Variants in CNST observed in about 807,000 individuals in gnomAD.
CNST encodes consortin, connexin sorting protein.
CNST carries 39 observed loss-of-function variants against 72.4 expected under a neutral mutation model. The ratio of observed to expected loss-of-function variants is 0.54; its 90% CI spans 0.42 to 0.70. The LOEUF (loss-of-function observed/expected upper bound fraction) is 0.70. Ranked by LOEUF, CNST falls within the 30% of genes least tolerant of loss-of-function variation. The pLI is 0.00. For synonymous variants in CNST, 332 were observed against 320.1 expected (o/e 1.04, Z -0.40); for missense variants, 871 against 868.5 (o/e 1.00, Z -0.04).
In CNST at chr1:246,633,959, T is replaced by C. The variant is rs781708884; in HGVS notation, c.652T>C (p.Leu218=). 8 of 1,613,130 alleles carry C rather than the reference T, an allele frequency of 5.0e-6. No homozygotes were observed. The highest frequency in any genetic ancestry group is 1.7e-4 in the Middle Eastern group (1 of 6,054). Residue 218 remains leucine, a synonymous_variant, in exon 5 of 11, where the codon TTG becomes CTG. Transcript: ENST00000366513. ...KAMKFIQLER[L]YHEQLLANLS... is the part of the protein sequence containing the mutation. ...AATGAAATTCATTCAGCTAGAACGA[T>C]TGTATCATGAGCAATTGCTCGCAAA... is the stretch of plus-strand genomic sequence containing the variant.
At chr1:246,651,281 G>T (rs1365082881) in intron 9 of CNST, among the ~76,000 whole-genome samples, 1 of 152,132 alleles carries the variant, frequency 6.6e-6, no homozygotes, top group Non-Finnish European at 1.5e-5. Context: ...ACGCTGCTGT[G>T]CTATCGCAGG....
At chr1:246,651,975 C>T (rs889565085) in intron 9 of CNST, among the ~76,000 whole-genome samples, 3 of 152,130 alleles carry the variant, frequency 2.0e-5, no homozygotes, top group South Asian at 2.1e-4. Context: ...TGAAAATACA[C>T]GTAAGGATTT....
chr1:246,578,315 C>G (rs1468278069), intron 1 of CNST, among the ~76,000 whole-genome samples: 1 of 152,050 alleles, frequency 6.6e-6, no homozygotes, highest in African/African-American at 2.4e-5. Flanking sequence ...TTAAAATAAG[C>G]TCTAAAATTA....
Position 246,660,322 on chromosome 1 carries a change from A to G in CNST, c.1960A>G (p.Ser654Gly), listed in dbSNP as rs1667024237. 2 of 1,613,794 alleles carry G rather than the reference A, an allele frequency of 1.2e-6. No homozygotes were observed. The highest frequency in any genetic ancestry group is 8.5e-7 in the Non-Finnish European group (1 of 1,179,902). The change falls in exon 10 of 11, where the codon AGC (serine) becomes GGC (glycine). Residue 654 changes from serine to glycine, a missense_variant. Ser to Gly is a moderately conservative substitution (Grantham distance 56). Coordinates refer to ENST00000366513, the MANE Select transcript of CNST (RefSeq NM_152609.3). ...AGTGAGATTCCAAGAAATAGACGATAGCTTGGATCAAGGTAAACCGCTTGG... is the reference window on the plus strand; with the variant it reads ...AGTGAGATTCCAAGAAATAGACGATGGCTTGGATCAAGGTAAACCGCTTGG... ...RRVRFQEIDD[S>G]LDQDEVGGGS...
At chr1:246,584,827 T>TA (rs1491434829) in intron 1 of CNST, among the ~76,000 whole-genome samples, 1 of 152,210 alleles carries the variant, frequency 6.6e-6, no homozygotes, top group Non-Finnish European at 1.5e-5. Context: ...ATGGATCTCC[T>TA]ATGAGTCTGT....
At chr1:246,623,361 C>T (rs750137998) in intron 3 of CNST, among the ~76,000 whole-genome samples, 11 of 152,268 alleles carry the variant, frequency 7.2e-5, no homozygotes, top group Non-Finnish European at 1.3e-4. Flanking sequence ...TATTTCTAAA[C>T]AGAATTTGTC....
intron 2 of CNST, 132 bp downstream of exon 2, chr1:246,592,073 C>T: frequency 1.5e-6 from 1 of 681,978 alleles, no homozygotes; most frequent in Non-Finnish European, 2.4e-6. Flanking sequence ...TCCGCCGCAG[C>T]ACAAGTAGAT....
chr1:246,638,905 A>T (rs1240557542), intron 6 of CNST, among the ~76,000 whole-genome samples: 1 of 152,204 alleles, frequency 6.6e-6, no homozygotes, highest in East Asian at 1.9e-4. Flanking sequence ...GGGAGTTTCT[A>T]TGAATAGAGC....
chr1:246,633,486 TAATC>T (rs1264277300), intron 4 of CNST, among the ~76,000 whole-genome samples: 1 of 150,960 alleles, frequency 6.6e-6, no homozygotes, highest in Non-Finnish European at 1.5e-5. Flanking sequence ...TTCATGCCTG[TAATC>T]CCAGCACTTT....
chr1:246,629,232 C>A (rs1664625512), intron 3 of CNST, among the ~76,000 whole-genome samples: 1 of 152,146 alleles, frequency 6.6e-6, no homozygotes, highest in East Asian at 1.9e-4. Context: ...ACAGGCCATT[C>A]ACCTCCAACC....
chr1:246,566,572 C>T lies in CNST; in HGVS notation c.-143C>T, dbSNP rs1397809482. The T allele has an allele frequency of 2.5e-6, 1 of 405,738 alleles. No individual in the cohort carries two copies. The highest frequency in any genetic ancestry group is 1.1e-4 in the South Asian group (1 of 9,202). The allele number at this position is 405,738 out of a possible 1,614,324, so 25.1% of individuals were successfully genotyped here. On this transcript the variant is annotated 5_prime_UTR_variant, in exon 1 of 11. Transcript: ENST00000366513. ...GAGCCAGGGGAGACCCGAGCAAGCTCCGTGACAGCACGTCGGCCGCCATGT... is the reference window on the plus strand; with the variant it reads ...GAGCCAGGGGAGACCCGAGCAAGCTTCGTGACAGCACGTCGGCCGCCATGT...
chr1:246,620,512 G>A (rs1362527526), intron 2 of CNST, among the ~76,000 whole-genome samples: 3 of 70,232 alleles, frequency 4.3e-5, no homozygotes, highest in Non-Finnish European at 3.2e-5. Context: ...TACACACGAT[G>A]GGCTCTGGGA....
intron 6 of CNST, among the ~76,000 whole-genome samples, chr1:246,636,408 C>T (rs1159147114): frequency 1.3e-5 from 2 of 152,112 alleles, no homozygotes; most frequent in Admixed American, 1.3e-4. Flanking sequence ...TCCCATGCCA[C>T]GGCCACTGTT....
At chr1:246,622,795 T>G (rs774248752) in intron 3 of CNST, among the ~76,000 whole-genome samples, 8 of 152,088 alleles carry the variant, frequency 5.3e-5, no homozygotes, top group Non-Finnish European at 1.2e-4. Context: ...ATATTTGAGC[T>G]GCATCTTATT....
At chr1:246,652,804 A>T (rs1232919790) in intron 9 of CNST, among the ~76,000 whole-genome samples, 5 of 151,022 alleles carry the variant, frequency 3.3e-5, no homozygotes, top group East Asian at 1.9e-4. Context: ...GGAGATCGAG[A>T]CCATCCTGGC....
chr1:246,614,557 C>T (rs1456124785), intron 2 of CNST, among the ~76,000 whole-genome samples: 1 of 151,254 alleles, frequency 6.6e-6, no homozygotes, highest in East Asian at 1.9e-4. Context: ...CTACAACCTC[C>T]ACTTCCTGGG....
Position 246,572,299 on chromosome 1 carries a change from T to C in CNST, c.-52+5636T>C, listed in dbSNP as rs181664491. On this transcript the variant is annotated intron_variant, in intron 1 of 10. Transcript: ENST00000366513. ...ATATTATAGATTTTGAAATAAGTTA[T>C]TAAAAAATTTGGGAACTTTATAAGA... Among the ~76,000 whole-genome samples, 394 of 152,368 alleles carry C rather than the reference T, an allele frequency of 2.6e-3. 6 individuals are homozygous for C. The highest frequency in any genetic ancestry group is 4.5e-3 in the Non-Finnish European group (303 of 68,032).
chr1:246,663,766 T>C (rs1025742049), intron 10 of CNST, among the ~76,000 whole-genome samples: 34 of 151,976 alleles, frequency 2.2e-4, no homozygotes, highest in African/African-American at 8.0e-4. Flanking sequence ...TATTTTAAAA[T>C]GTAAATTTCA....
chr1:246,590,844 A>G (rs1165985787), intron 1 of CNST, among the ~76,000 whole-genome samples: 1 of 147,500 alleles, frequency 6.8e-6, no homozygotes, highest in Non-Finnish European at 1.5e-5. Context: ...AGAGTAGCCT[A>G]GAGTTAACCA....
Sources: gnomAD v4.1 joint callset for allele counts (sites outside exome capture counted in the v4.1 genomes callset) on GRCh38, gnomAD v4.1.1 for gene constraint, MANE v1.5 for transcripts, NCBI Gene and HGNC (gene_info 2026-07-23, HGNC 2026-07-21) for gene names.